The following ARHGEF37 variants were observed in gnomAD, a reference collection of about 807,000 sequenced individuals.
ARHGEF37 encodes Rho guanine nucleotide exchange factor 37, also known as Rho guanine nucleotide exchange factor (GEF) 37.
In ARHGEF37, 55 loss-of-function variants were observed where a neutral mutation model predicts 71.1. The observed-to-expected ratio is 0.77, with a 90% CI of 0.62 to 0.97. ARHGEF37 has a LOEUF of 0.97. Among genes scored for constraint, ARHGEF37 ranks in the 50% least tolerant of loss-of-function variants. The probability of loss-of-function intolerance (pLI) is 0.00; values close to 1 mark genes in which losing one functional copy is unlikely to be tolerated. For synonymous variants in ARHGEF37, 327 were observed against 350.6 expected, an observed-to-expected ratio of 0.93 and a Z score of 0.75; for missense variants, 765 against 836.8, an observed-to-expected ratio of 0.91 and a Z score of 1.06.
chr5:149,618,928 T>C lies in ARHGEF37; in HGVS notation c.790-10T>C. ...TGGATATTCTCAACCCTCACACACA[T>C]TACTTTCAGACAGAAGACAAGGAAT... On this transcript the variant is annotated splice_polypyrimidine_tract_variant and intron_variant, in intron 6 of 12. Transcript: ENST00000333677. 1 of 1,608,392 alleles carries C rather than the reference T, an allele frequency of 6.2e-7. No homozygotes were observed. Among genetic ancestry groups the C allele is most frequent in the Non-Finnish European group, 8.5e-7 (1 of 1,174,848 alleles).
At chr5:149,614,226 T>G (rs891899843) in intron 4 of ARHGEF37, among the ~76,000 whole-genome samples, 3 of 151,902 alleles carry the variant, frequency 2.0e-5, no homozygotes, top group African/African-American at 7.3e-5. Context: ...CTCACTTGGG[T>G]TTGGATTTTT....
Position 149,619,071 on chromosome 5 carries a change from C to T in ARHGEF37, c.894+29C>T, listed in dbSNP as rs374402620. The T allele has an allele frequency of 3.3e-4, 526 of 1,587,196 alleles. 1 individual carries two copies. The highest frequency in any genetic ancestry group is 4.3e-4 in the Non-Finnish European group (497 of 1,155,688). ...AGGACACTGCAGGGTTCATAAAGGGCGAGTCTGGGCTGGGTTCCCCTGGCA... is the reference window on the plus strand; with the variant it reads ...AGGACACTGCAGGGTTCATAAAGGGTGAGTCTGGGCTGGGTTCCCCTGGCA... On this transcript the variant is annotated intron_variant, in intron 7 of 12. Coordinates refer to ENST00000333677, the MANE Select transcript of ARHGEF37 (RefSeq NM_001001669.3).
Position 149,628,966 on chromosome 5 carries a change from G to A in ARHGEF37, c.1818G>A (p.Gln606=). Residue 606 remains glutamine, a splice_region_variant and synonymous_variant, in exon 12 of 13, where the codon CAG becomes CAA. Coordinates refer to ENST00000333677, the MANE Select transcript of ARHGEF37 (RefSeq NM_001001669.3). The stretch of plus-strand genomic sequence containing the variant: ...TGCCCTCTATTCCCACCATGAACCA[G>A]GTGAGTATAGGAGAGGGCTGGGGGC... The part of the protein sequence containing the change: ...ALVPSIPTMN[Q]VIAAYPFVAR... 6.2e-7 allele frequency: 1 copy of A among 1,611,784 alleles called. No homozygotes were observed. The highest frequency in any genetic ancestry group is 8.5e-7 in the Non-Finnish European group (1 of 1,179,674).
At chr5:149,590,593 C>CTT (rs34084231) in intron 1 of ARHGEF37, among the ~76,000 whole-genome samples, 2,895 of 136,430 alleles carry the variant, frequency 0.021, 54 homozygotes, top group Admixed American at 0.036. Context: ...CTATTTTATT[C>CTT]TTTTTTTTTT....
Position 149,633,568 on chromosome 5 carries a change from A to G in ARHGEF37, c.*1377A>G, listed in dbSNP as rs1390589397. On this transcript the variant is annotated 3_prime_UTR_variant, in exon 13 of 13. Coordinates refer to ENST00000333677, the MANE Select transcript of ARHGEF37 (RefSeq NM_001001669.3). ...GTCCCTGCTTGGGGTGGTCATGTCTAGGCTGTTGCTCTGGGCAAAGATAAG... is the reference window on the plus strand; with the variant it reads ...GTCCCTGCTTGGGGTGGTCATGTCTGGGCTGTTGCTCTGGGCAAAGATAAG... 1.3e-5 allele frequency: 2 copies of G among 152,246 alleles called. No individual in the cohort carries two copies. The highest frequency in any genetic ancestry group is 4.8e-5 in the African/African-American group (2 of 41,462). 9.4% of individuals were successfully genotyped at this position (152,246 alleles called of 1,614,324 possible).
chr5:149,578,615 T>C (rs1046914524), upstream of ARHGEF37, among the ~76,000 whole-genome samples: 10 of 152,242 alleles, frequency 6.6e-5, no homozygotes, highest in South Asian at 2.1e-4. Context: ...CAGTATACTT[T>C]TGAATTTTGA....
chr5:149,611,452 A>C (rs1764074910), intron 4 of ARHGEF37, among the ~76,000 whole-genome samples: 1 of 152,196 alleles, frequency 6.6e-6, no homozygotes, highest in Non-Finnish European at 1.5e-5. Context: ...ACATTTAATA[A>C]ACACTGTGTG....
chr5:149,619,552 G>A (rs1481363136), intron 7 of ARHGEF37, among the ~76,000 whole-genome samples: 1 of 152,224 alleles, frequency 6.6e-6, no homozygotes, highest in Admixed American at 6.5e-5. Flanking sequence ...CTGGGGGGTT[G>A]TTGCTGGGTG....
intron 2 of ARHGEF37, among the ~76,000 whole-genome samples, chr5:149,599,446 T>TTTATTTATTTATTTATTTAC: frequency 6.6e-6 from 1 of 152,054 alleles, no homozygotes; most frequent in African/African-American, 2.4e-5. Flanking sequence ...TATTTATTTA[T>TTTATTTATTTATTTATTTAC]TTATTTATTT....
upstream of ARHGEF37, among the ~76,000 whole-genome samples, chr5:149,580,093 G>A (rs199975453): frequency 4.6e-5 from 7 of 151,424 alleles, no homozygotes; most frequent in East Asian, 3.9e-4. Flanking sequence ...ACGGAGTCTC[G>A]CTCTGTCACC....
At chr5:149,605,217 A>G (rs1388302654) in intron 3 of ARHGEF37, among the ~76,000 whole-genome samples, 2 of 134,606 alleles carry the variant, frequency 1.5e-5, no homozygotes, top group African/African-American at 5.4e-5. Context: ...ACAGAGCAAG[A>G]CTGCATCTCA....
rs116164467 is a variant in ARHGEF37 at position 149,597,588 on chromosome 5, T to A, written c.-11-171T>A. Among the ~76,000 whole-genome samples, 724 of 152,324 alleles carry A rather than the reference T, an allele frequency of 4.8e-3. 9 individuals are homozygous for A. The highest frequency in any genetic ancestry group is 0.017 in the African/African-American group (687 of 41,574). Reference sequence around the variant, plus strand: ...GAGTTATCAGAGCTGTTACCTGCCTTTCAATATTGTTCAGGTACTGCCTAC... The same window carrying A: ...GAGTTATCAGAGCTGTTACCTGCCTATCAATATTGTTCAGGTACTGCCTAC... On this transcript the variant is annotated intron_variant, in intron 1 of 12. Transcript: ENST00000333677.
At chr5:149,629,087 C>CCAAGGCCATTGAT in intron 12 of ARHGEF37, 121 bp downstream of exon 12, 2 of 1,296,804 alleles carry the variant, frequency 1.5e-6, no homozygotes, top group Non-Finnish European at 2.1e-6. Context: ...CTCTGTGAGA[C>CCAAGGCCATTGAT]CAAGGCCTTG....
intron 4 of ARHGEF37, among the ~76,000 whole-genome samples, chr5:149,611,355 T>C (rs557210740): frequency 6.6e-6 from 1 of 152,368 alleles, no homozygotes; most frequent in East Asian, 1.9e-4. Context: ...TGAGGGTCTG[T>C]TGTGGCCAGA....
rs149665856 is a variant in ARHGEF37, at chr5:149,554,193, G to A, written c.-12+2070G>A. Among the ~76,000 whole-genome samples the A allele has an allele frequency of 4.8e-3, 721 of 151,606 alleles. 5 individuals are homozygous for A. Among genetic ancestry groups the A allele is most frequent in the African/African-American group, 0.017 (693 of 41,314 alleles). ...AAAAAAAAAGTTGAAAGCTGCGTAC[G>A]GTGGCTCATGCATGTAATCCCAACA... On this transcript the variant is annotated intron_variant, in intron 1 of 2. Coordinates refer to the ARHGEF37 transcript ENST00000505810.
intron 1 of ARHGEF37, among the ~76,000 whole-genome samples, chr5:149,571,924 A>AG (rs1214643959): frequency 2.4e-4 from 36 of 150,330 alleles, no homozygotes; most frequent in African/African-American, 8.3e-4. Flanking sequence ...AAAAAAAAAA[A>AG]AAGAAGTTGA....
chr5:149,559,626 C>T (rs1176875601), intron 1 of ARHGEF37, among the ~76,000 whole-genome samples: 1 of 152,136 alleles, frequency 6.6e-6, no homozygotes, highest in African/African-American at 2.4e-5. Flanking sequence ...TCTAGAAATG[C>T]TACTCTTCTT....
chr5:149,574,634 C>G (rs1018444549), intron 1 of ARHGEF37, among the ~76,000 whole-genome samples: 5 of 152,170 alleles, frequency 3.3e-5, no homozygotes, highest in Non-Finnish European at 5.9e-5. Flanking sequence ...ATTGCCAGTC[C>G]AAACTTCCCT....
Position 149,633,137 on chromosome 5 carries a change from G to C in ARHGEF37, c.*946G>C, listed in dbSNP as rs1738319313. ...GGCAGCCGTGGATGTGATGCAATTG[G>C]CTGTGGGACCTTAGATGTAGGACAC... is the stretch of plus-strand genomic sequence containing the variant. On this transcript the variant is annotated 3_prime_UTR_variant, in exon 13 of 13. Coordinates refer to ENST00000333677, the MANE Select transcript of ARHGEF37 (RefSeq NM_001001669.3). 6.6e-6 allele frequency: 1 copy of C among 152,446 alleles called. No individual in the cohort carries two copies. The highest frequency in any genetic ancestry group is 2.4e-5 in the African/African-American group (1 of 41,458). 9.4% of individuals were successfully genotyped at this position (152,446 alleles called of 1,614,324 possible).
Sources: gnomAD v4.1 joint callset for allele counts (sites outside exome capture counted in the v4.1 genomes callset) on GRCh38, gnomAD v4.1.1 for gene constraint, MANE v1.5 for transcripts, NCBI Gene and HGNC (gene_info 2026-07-23, HGNC 2026-07-21) for gene names.